PLCB1: variants seen among roughly 807,000 people sequenced by gnomAD.
PLCB1 encodes phospholipase C beta 1.
A neutral mutation model predicts 161.8 loss-of-function variants in PLCB1; 46 were observed. That is an observed-to-expected ratio of 0.28 (90% confidence interval 0.22 to 0.36). The LOEUF is 0.36. Among genes scored for constraint, PLCB1 ranks in the 10% least tolerant of loss-of-function variants. The pLI, the probability that PLCB1 is intolerant of heterozygous loss-of-function variation, is 1.00. For missense variants in PLCB1, 1,016 were observed against 1,472.5 expected (o/e 0.69, Z 5.07); for synonymous variants, 517 against 503.7 (o/e 1.03, Z -0.35).
intron 2 of PLCB1, among the ~76,000 whole-genome samples, chr20:8,266,940 G>GGC (rs1981986966): frequency 6.6e-6 from 1 of 151,910 alleles, no homozygotes; most frequent in African/African-American, 2.4e-5. Context: ...TTGGGATGCT[G>GGC]AGGCAAGAAT....
chr20:8,302,678 T>C (rs1983962545), intron 2 of PLCB1, among the ~76,000 whole-genome samples: 2 of 152,232 alleles, frequency 1.3e-5, no homozygotes, highest in African/African-American at 2.4e-5. Context: ...TTGTATACAA[T>C]GTAAGTTACA....
At chr20:8,603,770 A>G (rs1987670465) in intron 3 of PLCB1, among the ~76,000 whole-genome samples, 1 of 152,166 alleles carries the variant, frequency 6.6e-6, no homozygotes, top group South Asian at 2.1e-4. Context: ...CAATAATTCT[A>G]CCACTTAACA....
chr20:8,462,023 T>C (rs1411270301), intron 3 of PLCB1, among the ~76,000 whole-genome samples: 1 of 152,064 alleles, frequency 6.6e-6, no homozygotes, highest in Non-Finnish European at 1.5e-5. Context: ...ATAGCTTTTT[T>C]GTTTTTCATA....
intron 2 of PLCB1, among the ~76,000 whole-genome samples, chr20:8,307,759 T>A (rs933612245): frequency 6.6e-6 from 1 of 151,812 alleles, no homozygotes; most frequent in Non-Finnish European, 1.5e-5. Context: ...CTGTCTCTAC[T>A]AAAAATACAA....
chr20:8,736,932 T>C, intron 19 of PLCB1, 96 bp from the exon 20 acceptor site: 3 of 886,816 alleles, frequency 3.4e-6, no homozygotes, highest in Non-Finnish European at 5.4e-6. Context: ...CAACATTTGC[T>C]GAAGAGCATT....
At chr20:8,172,127 TTGAGCA>T in intron 2 of PLCB1, among the ~76,000 whole-genome samples, 1 of 152,296 alleles carries the variant, frequency 6.6e-6, no homozygotes, top group East Asian at 1.9e-4. Flanking sequence ...CACAATTTTA[TTGAGCA>T]TCTACTAAGT....
chr20:8,760,168 G>A (rs1600304365), intron 24 of PLCB1, among the ~76,000 whole-genome samples: 2 of 152,170 alleles, frequency 1.3e-5, no homozygotes, highest in Non-Finnish European at 2.9e-5. Context: ...GCCTCCCAAA[G>A]TGCCGGGATT....
At chr20:8,586,317 C>T (rs1986988246) in intron 3 of PLCB1, among the ~76,000 whole-genome samples, 1 of 151,820 alleles carries the variant, frequency 6.6e-6, no homozygotes, top group African/African-American at 2.4e-5. Flanking sequence ...TCTAATTCTT[C>T]TGACACTTCT....
rs530461572 is a variant in PLCB1, at chr20:8,461,316, A to C, written c.246+89866A>C. Among the ~76,000 whole-genome samples the C allele has an allele frequency of 3.3e-5, 5 of 152,296 alleles. 1 individual carries two copies. Among genetic ancestry groups the C allele is most frequent in the African/African-American group, 1.2e-4 (5 of 41,580 alleles). On this transcript the variant is annotated intron_variant, in intron 3 of 31. Transcript: ENST00000338037. The stretch of plus-strand genomic sequence containing the variant: ...GGGCAGACTCATAGAACTGTCAAAT[A>C]ATAAAAAGATTTGACTTTGAAGCTA...
intron 2 of PLCB1, among the ~76,000 whole-genome samples, chr20:8,268,331 A>G (rs368281881): frequency 2.6e-5 from 4 of 152,020 alleles, no homozygotes; most frequent in East Asian, 1.9e-4. Flanking sequence ...ATTCCATGGT[A>G]TATATGTGCC....
chr20:8,738,484 C>A (rs969814190), intron 20 of PLCB1, among the ~76,000 whole-genome samples: 1 of 151,950 alleles, frequency 6.6e-6, no homozygotes, highest in Admixed American at 6.6e-5. Flanking sequence ...CAGCATGGCA[C>A]ATGTATGCAT....
At chr20:8,670,870 GA>G (rs1989925624) in intron 9 of PLCB1, among the ~76,000 whole-genome samples, 1 of 152,214 alleles carries the variant, frequency 6.6e-6, no homozygotes, top group South Asian at 2.1e-4. Context: ...TGATCTAGCA[GA>G]ATTCGCAAGG....
chr20:8,792,337 C>T (rs981779582), intron 31 of PLCB1, among the ~76,000 whole-genome samples: 3 of 152,160 alleles, frequency 2.0e-5, no homozygotes, highest in Non-Finnish European at 4.4e-5. Flanking sequence ...TTAAGATTCA[C>T]TCACAAGGCT....
chr20:8,706,293 G>A (rs965959741), intron 11 of PLCB1, among the ~76,000 whole-genome samples: 3 of 152,126 alleles, frequency 2.0e-5, no homozygotes, highest in African/African-American at 7.2e-5. Flanking sequence ...ATAAAACCAC[G>A]GCCAAGCCTA....
At chr20:8,534,885 G>A (rs559625511) in intron 3 of PLCB1, among the ~76,000 whole-genome samples, 3 of 152,114 alleles carry the variant, frequency 2.0e-5, no homozygotes, top group African/African-American at 7.2e-5. Context: ...CCACCGTGGG[G>A]AGCAGGAAGC....
At chr20:8,506,627 T>C (rs1983648196) in intron 3 of PLCB1, among the ~76,000 whole-genome samples, 1 of 152,180 alleles carries the variant, frequency 6.6e-6, no homozygotes, top group African/African-American at 2.4e-5. Context: ...TGATTATTTA[T>C]AGGGTGAATT....
At chr20:8,674,055 C>G (rs112134862) in intron 9 of PLCB1, among the ~76,000 whole-genome samples, 4 of 152,306 alleles carry the variant, frequency 2.6e-5, no homozygotes, top group African/African-American at 7.2e-5. Context: ...CTCCCTCCCC[C>G]CTTAAATGGG....
At chr20:8,796,418 A>C (rs1393882800) in intron 31 of PLCB1, among the ~76,000 whole-genome samples, 1 of 152,156 alleles carries the variant, frequency 6.6e-6, no homozygotes, top group African/African-American at 2.4e-5. Context: ...TTTAAAATAA[A>C]ATATTTTTTA....
rs1183574145 is a variant in PLCB1, at chr20:8,882,649, T to C, written c.*800T>C. ...TTCATTGGTTATTGGCCTGAAATGA[T>C]CAAATAACTACAAATGATCTGTTGA... On this transcript the variant is annotated 3_prime_UTR_variant, in exon 32 of 32. Coordinates refer to ENST00000338037, the MANE Select transcript of PLCB1 (RefSeq NM_015192.4). The C allele has an allele frequency of 6.6e-6, 1 of 152,528 alleles. No individual in the cohort carries two copies. The highest frequency in any genetic ancestry group is 1.5e-5 in the Non-Finnish European group (1 of 68,022). The allele number at this position is 152,528 out of a possible 1,614,324, so 9.4% of individuals were successfully genotyped here.
Sources: allele counts gnomAD v4.1 joint callset (sites outside exome capture counted in the v4.1 genomes callset), GRCh38; gene constraint gnomAD v4.1.1; transcripts MANE v1.5; gene names NCBI Gene and HGNC (gene_info 2026-07-23, HGNC 2026-07-21).